Variants in SH3GL2 observed in about 807,000 individuals in gnomAD.
SH3GL2 encodes endophilin-A1.
In SH3GL2, 24 loss-of-function variants were observed where a neutral mutation model predicts 46.0. The observed-to-expected ratio is 0.52, with a 90% CI of 0.38 to 0.73. SH3GL2 has a LOEUF of 0.73. Ranked by LOEUF, SH3GL2 falls within the 30% of genes least tolerant of loss-of-function variation. The pLI is 0.00. For missense variants in SH3GL2, 413 were observed against 424.2 expected, an observed-to-expected ratio of 0.97 and a Z score of 0.23; for synonymous variants, 196 against 147.1, an observed-to-expected ratio of 1.33 and a Z score of -2.40.
chr9:17,707,667 T>G (rs1821506448), intron 1 of SH3GL2, among the ~76,000 whole-genome samples: 1 of 152,084 alleles, frequency 6.6e-6, no homozygotes, highest in Non-Finnish European at 1.5e-5. Flanking sequence ...CTTCCTTTTC[T>G]GGATGAAACT....
chr9:17,634,478 T>G (rs1380561406), intron 1 of SH3GL2, among the ~76,000 whole-genome samples: 1 of 152,206 alleles, frequency 6.6e-6, no homozygotes, highest in Non-Finnish European at 1.5e-5. Flanking sequence ...TTCCAGACCC[T>G]CTGAAATATA....
chr9:17,679,138 C>G (rs899983901), intron 1 of SH3GL2, among the ~76,000 whole-genome samples: 9 of 152,042 alleles, frequency 5.9e-5, no homozygotes, highest in African/African-American at 1.7e-4. Context: ...TCCATATGAA[C>G]TTTAAAGTAG....
At chr9:17,596,881 C>G (rs1008305637) in intron 1 of SH3GL2, among the ~76,000 whole-genome samples, 1 of 152,210 alleles carries the variant, frequency 6.6e-6, no homozygotes, top group African/African-American at 2.4e-5. Context: ...ATCCACTGGA[C>G]TGCTGACGGT....
chr9:17,595,466 C>T (rs1000329830), intron 1 of SH3GL2, among the ~76,000 whole-genome samples: 1 of 152,082 alleles, frequency 6.6e-6, no homozygotes, highest in South Asian at 2.1e-4. Flanking sequence ...GAACATGGAT[C>T]CCCGTTTATG....
intron 1 of SH3GL2, among the ~76,000 whole-genome samples, chr9:17,727,120 A>G (rs1822041579): frequency 6.6e-6 from 1 of 152,194 alleles, no homozygotes; most frequent in Admixed American, 6.5e-5. Context: ...GTGGAACACG[A>G]TGCAGCAGTT....
Position 17,598,628 on chromosome 9 carries a change from T to C in SH3GL2, c.45+19341T>C, listed in dbSNP as rs183808448. ...TAGGCCTTGATCCAGATGATACTTA[T>C]TGGAATCCCTTTCTCTGACCTAGTA... On this transcript the variant is annotated intron_variant, in intron 1 of 8. Transcript: ENST00000380607. Among the ~76,000 whole-genome samples the C allele has an allele frequency of 2.5e-3, 376 of 152,340 alleles. 2 individuals are homozygous for C. The highest frequency in any genetic ancestry group is 2.4e-3 in the Non-Finnish European group (162 of 68,032).
rs1158827516 is a variant in SH3GL2, at chr9:17,758,577, A to AAAAAAAAAG, written c.115-2852_115-2851insGAAAAAAAA. Among the ~76,000 whole-genome samples the AAAAAAAAAG allele has an allele frequency of 3.6e-4, 48 of 134,552 alleles. 1 individual carries two copies. The highest frequency in any genetic ancestry group is 1.5e-3 in the African/African-American group (44 of 28,486). The allele number at this position is 134,552 out of a possible 152,430, so 88.3% of individuals were successfully genotyped here. A position where few individuals can be genotyped will look rare whatever the true frequency, so the allele number is the denominator to read the frequency against. The stretch of plus-strand genomic sequence containing the variant: ...ACCCTGTCTCAAAAAAAAAAAAAAA[A>AAAAAAAAAG]AAAAAAAAAAAAAAAAAATTGCAGT... On this transcript the variant is annotated intron_variant, in intron 2 of 8. Coordinates refer to ENST00000380607, the MANE Select transcript of SH3GL2 (RefSeq NM_003026.5).
At chr9:17,634,089 C>T (rs111468811) in intron 1 of SH3GL2, among the ~76,000 whole-genome samples, 3 of 152,268 alleles carry the variant, frequency 2.0e-5, no homozygotes, top group South Asian at 2.1e-4. Context: ...GATGTGGAGT[C>T]CTGGCTGGTT....
chr9:17,696,411 A>G (rs76270551), intron 1 of SH3GL2, among the ~76,000 whole-genome samples: 1,840 of 152,282 alleles, frequency 0.012, 27 homozygotes, highest in Non-Finnish European at 0.018. Flanking sequence ...CTACTATGGT[A>G]TATTAGTCCA....
chr9:17,605,178 T>C (rs1818741163), intron 1 of SH3GL2, among the ~76,000 whole-genome samples: 1 of 152,038 alleles, frequency 6.6e-6, no homozygotes, highest in Non-Finnish European at 1.5e-5. Context: ...GGGGTCTTTC[T>C]GTGTTGCCCA....
intron 1 of SH3GL2, among the ~76,000 whole-genome samples, chr9:17,603,551 G>C (rs1818708565): frequency 6.6e-6 from 1 of 152,020 alleles, no homozygotes; most frequent in African/African-American, 2.4e-5. Context: ...ATGGACGGTG[G>C]TGATGGTTGC....
At chr9:17,686,504 G>T (rs867358471) in intron 1 of SH3GL2, among the ~76,000 whole-genome samples, 2,593 of 146,708 alleles carry the variant, frequency 0.018, 79 homozygotes, top group African/African-American at 0.061. Context: ...GTTTATTGCG[G>T]CATTATCCAC....
intron 1 of SH3GL2, among the ~76,000 whole-genome samples, chr9:17,664,294 A>C (rs1020778960): frequency 4.6e-5 from 7 of 152,154 alleles, no homozygotes; most frequent in Admixed American, 2.0e-4. Flanking sequence ...TATTTCTCAT[A>C]CCACAGATAC....
chr9:17,760,998 A>G (rs957645118), intron 2 of SH3GL2, among the ~76,000 whole-genome samples: 9 of 152,210 alleles, frequency 5.9e-5, no homozygotes, highest in Non-Finnish European at 1.2e-4. Context: ...TTATATTTTT[A>G]GGATGTTCTT....
At chr9:17,726,929 A>G (rs534701696) in intron 1 of SH3GL2, among the ~76,000 whole-genome samples, 1 of 152,324 alleles carries the variant, frequency 6.6e-6, no homozygotes, top group African/African-American at 2.4e-5. Flanking sequence ...ATAGTCACAC[A>G]CTAGACACAG....
At chr9:17,653,050 C>G (rs928713974) in intron 1 of SH3GL2, among the ~76,000 whole-genome samples, 1 of 152,156 alleles carries the variant, frequency 6.6e-6, no homozygotes, top group African/African-American at 2.4e-5. Context: ...ATAATACTTT[C>G]CATACACTTA....
At chr9:17,634,182 A>G (rs1260529030) in intron 1 of SH3GL2, among the ~76,000 whole-genome samples, 1 of 152,174 alleles carries the variant, frequency 6.6e-6, no homozygotes, top group Non-Finnish European at 1.5e-5. Flanking sequence ...TGGAGGTTGC[A>G]TCGGTTAACA....
chr9:17,712,143 C>A (rs1226350301), intron 1 of SH3GL2, among the ~76,000 whole-genome samples: 1 of 151,714 alleles, frequency 6.6e-6, no homozygotes, highest in Non-Finnish European at 1.5e-5. Context: ...ATCTGTTCCT[C>A]ATTTCTCTAT....
At chr9:17,679,652 C>A (rs1431080396) in intron 1 of SH3GL2, among the ~76,000 whole-genome samples, 1 of 152,166 alleles carries the variant, frequency 6.6e-6, no homozygotes, top group African/African-American at 2.4e-5. Flanking sequence ...CTGGCCAGAA[C>A]TTTCAACACT....
Sources: gnomAD v4.1 joint callset for allele counts (sites outside exome capture counted in the v4.1 genomes callset) on GRCh38, gnomAD v4.1.1 for gene constraint, MANE v1.5 for transcripts, NCBI Gene and HGNC (gene_info 2026-07-23, HGNC 2026-07-21) for gene names.